The following PMFBP1 variants were observed in gnomAD, a reference collection of about 807,000 sequenced individuals.
The protein encoded by PMFBP1 is polyamine-modulated factor 1-binding protein 1.
Under a neutral mutation model 137.8 loss-of-function variants are expected in PMFBP1, and 131 were observed. The ratio of observed to expected loss-of-function variants is 0.95; its 90% CI spans 0.82 to 1.10. The LOEUF is 1.10. PMFBP1 is among the 50% of genes least tolerant of loss of function. PMFBP1 has a pLI of 0.00. For synonymous variants in PMFBP1, 490 were observed against 450.4 expected, an observed-to-expected ratio of 1.09 and a Z score of -1.11; for missense variants, 1,199 against 1,175.4, an observed-to-expected ratio of 1.02 and a Z score of -0.29.
intron 4 of PMFBP1, among the ~76,000 whole-genome samples, chr16:72,153,419 A>G (rs1013041104): frequency 1.3e-5 from 2 of 152,082 alleles, no homozygotes; most frequent in African/African-American, 4.8e-5. Context: ...TTCCAATAGA[A>G]CCTAACTCCT....
chr16:72,184,537 C>T, the PMFBP1 span, among the ~76,000 whole-genome samples: 3 of 152,180 alleles, frequency 2.0e-5, no homozygotes, highest in Admixed American at 1.3e-4. Flanking sequence ...CATAACAGCC[C>T]TATGGGTACT....
intron 3 of PMFBP1, among the ~76,000 whole-genome samples, chr16:72,161,675 T>C (rs1032348041): frequency 3.9e-5 from 6 of 152,148 alleles, no homozygotes; most frequent in Non-Finnish European, 8.8e-5. Context: ...CTTAAATAAC[T>C]GGGTACATTT....
the PMFBP1 span, among the ~76,000 whole-genome samples, chr16:72,198,778 A>G: frequency 1.3e-5 from 2 of 151,854 alleles, no homozygotes; most frequent in Non-Finnish European, 2.9e-5. Flanking sequence ...CACAGTGTGT[A>G]TTTTCAGTCC....
At position 72,136,777 on chromosome 16, in the gene PMFBP1, G is replaced by A; in HGVS notation, c.961C>T (p.His321Tyr). 1 of 1,614,124 alleles carries A rather than the reference G, an allele frequency of 6.2e-7. No homozygotes were observed. Among genetic ancestry groups the A allele is most frequent in the Non-Finnish European group, 8.5e-7 (1 of 1,180,022 alleles). ...LQEQKDSQCL[H>Y]VEEYQNLVKD... ...ACCAGGTTCTGGTACTCCTCCACATGCAGGCACTGGCTGTCTTTCTGCTCC... is the reference window on the plus strand; with the variant it reads ...ACCAGGTTCTGGTACTCCTCCACATACAGGCACTGGCTGTCTTTCTGCTCC... Residue 321 changes from histidine to tyrosine, a missense_variant, in exon 8 of 21, where the codon CAT becomes TAT. Coordinates refer to ENST00000237353, the MANE Select transcript of PMFBP1 (RefSeq NM_031293.3).
chr16:72,245,356 C>T, the PMFBP1 span, among the ~76,000 whole-genome samples: 1 of 152,166 alleles, frequency 6.6e-6, no homozygotes, highest in South Asian at 2.1e-4. Context: ...GGTGGGGGAA[C>T]TGAGATGCCG....
At chr16:72,218,162 C>T in the PMFBP1 span, among the ~76,000 whole-genome samples, 1 of 152,120 alleles carries the variant, frequency 6.6e-6, no homozygotes, top group African/African-American at 2.4e-5. Flanking sequence ...GCTCTTTTCT[C>T]AGGGAACCTT....
At chr16:72,200,012 A>G in the PMFBP1 span, among the ~76,000 whole-genome samples, 1 of 152,384 alleles carries the variant, frequency 6.6e-6, no homozygotes, top group East Asian at 1.9e-4. Context: ...AGTGAATTTT[A>G]TATCAGCAGT....
At chr16:72,245,276 A>C in the PMFBP1 span, among the ~76,000 whole-genome samples, 1 of 152,216 alleles carries the variant, frequency 6.6e-6, no homozygotes, top group Non-Finnish European at 1.5e-5. Flanking sequence ...CACTATTCTA[A>C]GCACTTTACA....
the PMFBP1 span, among the ~76,000 whole-genome samples, chr16:72,195,393 C>A: frequency 6.6e-6 from 1 of 152,136 alleles, no homozygotes; most frequent in Non-Finnish European, 1.5e-5. Context: ...TGCTCCCTCT[C>A]CCTTTATCTT....
chr16:72,243,651 G>C, the PMFBP1 span, among the ~76,000 whole-genome samples: 2 of 152,136 alleles, frequency 1.3e-5, no homozygotes, highest in Non-Finnish European at 2.9e-5. Context: ...ATGGAGGAAG[G>C]GAGATTCAGC....
chr16:72,125,523 G>T, intron 15 of PMFBP1, 118 bp from the exon 16 acceptor site: 2 of 1,185,422 alleles, frequency 1.7e-6, no homozygotes, highest in Non-Finnish European at 2.4e-6. Context: ...GACACGGACG[G>T]TCACCTTGCC....
the PMFBP1 span, among the ~76,000 whole-genome samples, chr16:72,209,607 A>T: frequency 3.3e-5 from 5 of 152,084 alleles, no homozygotes; most frequent in African/African-American, 1.2e-4. Flanking sequence ...CTATCTTCTC[A>T]ATTTTTTCTA....
the PMFBP1 span, among the ~76,000 whole-genome samples, chr16:72,206,536 C>G: frequency 6.6e-6 from 1 of 152,198 alleles, no homozygotes; most frequent in Non-Finnish European, 1.5e-5. Flanking sequence ...GATCTAACCA[C>G]TTTCTGGGAA....
intron 4 of PMFBP1, among the ~76,000 whole-genome samples, chr16:72,151,721 G>A (rs1044685809): frequency 2.0e-5 from 3 of 152,216 alleles, no homozygotes; most frequent in East Asian, 1.9e-4. Context: ...TACGTAAGGG[G>A]AAGAAGAGAG....
At chr16:72,118,346 C>T (rs571668219), downstream of PMFBP1, among the ~76,000 whole-genome samples, 3 of 152,348 alleles carry the variant, frequency 2.0e-5, no homozygotes, top group African/African-American at 7.2e-5. Context: ...TCACTCCTAG[C>T]TCACACTGCA....
the PMFBP1 span, among the ~76,000 whole-genome samples, chr16:72,214,202 T>C: frequency 6.6e-6 from 1 of 150,558 alleles, no homozygotes; most frequent in Non-Finnish European, 1.5e-5. Context: ...CATTATAAGT[T>C]TTTTTTTTTT....
the PMFBP1 span, among the ~76,000 whole-genome samples, chr16:72,192,795 AGGAGGCTGAGGC>A: frequency 2.0e-5 from 3 of 151,890 alleles, no homozygotes; most frequent in East Asian, 5.8e-4. Flanking sequence ...CCAGCTGCTC[AGGAGGCTGAGGC>A]AGCGGAATCG....
chr16:72,132,958 G>A lies in PMFBP1; in HGVS notation c.1237C>T (p.Leu413=), dbSNP rs771664013. 5 of 1,614,116 alleles carry A rather than the reference G, an allele frequency of 3.1e-6. No individual in the cohort carries two copies. The highest frequency in any genetic ancestry group is 1.1e-5 in the South Asian group (1 of 91,082). Residue 413 remains leucine (L), a synonymous_variant, in exon 10 of 21, where the codon CTG becomes TTG. Transcript: ENST00000237353. ...TGAACCTGTGTCAGTTTCTTCTCCA[G>A]CTCTTGCAGCATCTCATCTTTCTCT... The part of the protein sequence containing the change: ...LQEKDEMLQE[L]EKKLTQVQNS...
the PMFBP1 span, among the ~76,000 whole-genome samples, chr16:72,240,383 A>G: frequency 3.3e-5 from 5 of 152,270 alleles, no homozygotes; most frequent in African/African-American, 1.2e-4. Context: ...TTTTGCAAGC[A>G]GCGCTTGCTT....
Sources: gnomAD v4.1 joint callset for allele counts (sites outside exome capture counted in the v4.1 genomes callset) on GRCh38, gnomAD v4.1.1 for gene constraint, MANE v1.5 for transcripts, NCBI Gene and HGNC (gene_info 2026-07-23, HGNC 2026-07-21) for gene names.